CRIM1: variants seen among roughly 807,000 people sequenced by gnomAD.
CRIM1 encodes cysteine rich transmembrane BMP regulator 1.
CRIM1 carries 32 observed loss-of-function variants against 116.4 expected under a neutral mutation model. The observed-to-expected ratio is 0.27, with a 90% CI of 0.21 to 0.37. The LOEUF is 0.37. Ranked by LOEUF, CRIM1 falls within the 10% of genes least tolerant of loss-of-function variation. CRIM1 has a pLI of 1.00. For missense variants in CRIM1, 1,331 were observed against 1,354.8 expected, an observed-to-expected ratio of 0.98 and a Z score of 0.28; for synonymous variants, 590 against 509.2, an observed-to-expected ratio of 1.16 and a Z score of -2.13.
chr2:36,384,745 A>G (rs567438946), intron 1 of CRIM1, among the ~76,000 whole-genome samples: 11 of 152,284 alleles, frequency 7.2e-5, no homozygotes, highest in African/African-American at 2.6e-4. Flanking sequence ...ATGAATTTCA[A>G]GGGCTTGATG....
At chr2:36,500,535 A>G (rs1024778970) in intron 8 of CRIM1, among the ~76,000 whole-genome samples, 11 of 152,306 alleles carry the variant, frequency 7.2e-5, no homozygotes, top group African/African-American at 1.7e-4. Flanking sequence ...TTTAAACGAT[A>G]TAAATACCCG....
chr2:36,479,503 T>C lies in CRIM1; in HGVS notation c.1181T>C (p.Val394Ala), dbSNP rs763350869. 1.9e-6 allele frequency: 3 copies of C among 1,614,136 alleles called. No homozygotes were observed. Among genetic ancestry groups the C allele is most frequent in the Middle Eastern group, 3.3e-4 (2 of 6,062 alleles). The part of the protein sequence containing the change: ...GECCPVCEDP[V>A]YPFNNPAGCY... ...AACTCATGTTCTCATTTAGATCCAG[T>C]GTATCCTTTTAATAATCCCGCTGGC... Residue 394 changes from valine (V) to alanine (A), a missense_variant, in exon 7 of 17, where the codon GTG (valine) becomes GCG (alanine). Coordinates refer to ENST00000280527, the MANE Select transcript of CRIM1 (RefSeq NM_016441.3).
At chr2:36,421,627 G>A (rs1335060806) in intron 2 of CRIM1, among the ~76,000 whole-genome samples, 1 of 152,176 alleles carries the variant, frequency 6.6e-6, no homozygotes, top group East Asian at 1.9e-4. Context: ...GTAGTCAGGC[G>A]TTATCTCACA....
intron 12 of CRIM1, among the ~76,000 whole-genome samples, chr2:36,517,747 G>A (rs1665125832): frequency 6.6e-6 from 1 of 152,146 alleles, no homozygotes; most frequent in African/African-American, 2.4e-5. Flanking sequence ...CCTCACACCT[G>A]AGATGACTGT....
chr2:36,535,596 G>GT (rs1353610126), intron 13 of CRIM1, among the ~76,000 whole-genome samples: 38 of 152,142 alleles, frequency 2.5e-4, no homozygotes, highest in Admixed American at 2.5e-3. Flanking sequence ...AATGATAGAA[G>GT]TTGTTGACAA....
At chr2:36,379,742 CTTTTTT>C (rs760969263) in intron 1 of CRIM1, among the ~76,000 whole-genome samples, 1 of 106,386 alleles carries the variant, frequency 9.4e-6, no homozygotes, top group African/African-American at 3.7e-5. Context: ...TTCTTTCTCT[CTTTTTT>C]TTTTTTTTTT....
intron 13 of CRIM1, among the ~76,000 whole-genome samples, chr2:36,535,988 T>A (rs1666519940): frequency 6.6e-6 from 1 of 152,220 alleles, no homozygotes. Flanking sequence ...GATTTTGGTA[T>A]CCATGGGGTC....
chr2:36,455,880 A>G (rs1677095643), intron 4 of CRIM1, among the ~76,000 whole-genome samples: 1 of 152,194 alleles, frequency 6.6e-6, no homozygotes, highest in Non-Finnish European at 1.5e-5. Context: ...GTCCCAGAGC[A>G]GTGCTCTCTG....
intron 5 of CRIM1, among the ~76,000 whole-genome samples, chr2:36,472,415 A>T (rs75845338): frequency 0.015 from 2,222 of 152,252 alleles, 63 homozygotes; most frequent in African/African-American, 0.051. Flanking sequence ...TTTCACCCTT[A>T]AAGATTGATT....
At position 36,383,838 on chromosome 2, in the gene CRIM1, G is replaced by A. The variant is rs116969768; in HGVS notation, c.332-12776G>A. Among the ~76,000 whole-genome samples, 36 of 152,282 alleles carry A rather than the reference G, an allele frequency of 2.4e-4. No individual in the cohort carries two copies. In the East Asian group the frequency reaches 6.4e-3, roughly 27 times the overall value. On this transcript the variant is annotated intron_variant, in intron 1 of 16. Coordinates refer to ENST00000280527, the MANE Select transcript of CRIM1 (RefSeq NM_016441.3). ...GTTCCTAAGCAGAGAAATGGGATCC[G>A]TAAAGGCCCATTGGAGTGAACATGC... is the stretch of plus-strand genomic sequence containing the variant.
intron 1 of CRIM1, among the ~76,000 whole-genome samples, chr2:36,374,999 CTT>C (rs545030052): frequency 3.5e-5 from 5 of 143,168 alleles, no homozygotes; most frequent in Admixed American, 7.0e-5. Context: ...AATTCTGTTG[CTT>C]TTTTTTTTTG....
intron 2 of CRIM1, among the ~76,000 whole-genome samples, chr2:36,439,426 A>G (rs553330106): frequency 4.3e-4 from 65 of 152,228 alleles, no homozygotes; most frequent in Admixed American, 1.8e-3. Context: ...TCCTCTTTCT[A>G]TATAATCAAA....
Position 36,549,373 on chromosome 2 carries a change from TTGC to T in CRIM1, c.*677_*679del, listed in dbSNP as rs1379752252. On this transcript the variant is annotated 3_prime_UTR_variant, in exon 17 of 17. Transcript: ENST00000280527. ...TTAAGGATATATACAGTTACACTTTTTGCTGCTTTTATTTTCTTCCAAGCCAAT... is the reference window on the plus strand; with the variant it reads ...TTAAGGATATATACAGTTACACTTTTTGCTTTTATTTTCTTCCAAGCCAAT... 3 of 152,660 alleles carry T rather than the reference TTGC, an allele frequency of 2.0e-5. No individual in the cohort carries two copies. Among genetic ancestry groups the T allele is most frequent in the Non-Finnish European group, 2.9e-5 (2 of 68,046 alleles). The allele number at this position is 152,660 out of a possible 1,614,324, so 9.5% of individuals were successfully genotyped here.
chr2:36,374,126 T>G (rs1468062675), intron 1 of CRIM1, among the ~76,000 whole-genome samples: 1 of 152,236 alleles, frequency 6.6e-6, no homozygotes, highest in Non-Finnish European at 1.5e-5. Flanking sequence ...AAAGGATTGA[T>G]GCAGATATTC....
At chr2:36,487,972 C>G (rs989084500) in intron 7 of CRIM1, among the ~76,000 whole-genome samples, 4 of 151,964 alleles carry the variant, frequency 2.6e-5, no homozygotes, top group Admixed American at 2.6e-4. Flanking sequence ...AGAAACAGGT[C>G]AAAATAGGTT....
intron 1 of CRIM1, among the ~76,000 whole-genome samples, chr2:36,383,428 G>A (rs1163067259): frequency 6.6e-6 from 1 of 152,198 alleles, no homozygotes; most frequent in African/African-American, 2.4e-5. Flanking sequence ...GAATGCATAA[G>A]TAGTGAATAA....
chr2:36,410,304 T>C (rs1386335787), intron 2 of CRIM1, among the ~76,000 whole-genome samples: 1 of 152,204 alleles, frequency 6.6e-6, no homozygotes, highest in African/African-American at 2.4e-5. Flanking sequence ...AATGAAGTGC[T>C]TTATCCTTAT....
intron 4 of CRIM1, among the ~76,000 whole-genome samples, chr2:36,447,951 C>T (rs1230245407): frequency 6.6e-6 from 1 of 152,212 alleles, no homozygotes; most frequent in Non-Finnish European, 1.5e-5. Flanking sequence ...TGCCCAGCAG[C>T]TCTTTTTCTG....
At chr2:36,373,828 G>T (rs1339219094) in intron 1 of CRIM1, among the ~76,000 whole-genome samples, 1 of 152,194 alleles carries the variant, frequency 6.6e-6, no homozygotes, top group Non-Finnish European at 1.5e-5. Context: ...ACAGGGTCAT[G>T]TGCGTGTCCT....
Sources: allele counts gnomAD v4.1 joint callset (sites outside exome capture counted in the v4.1 genomes callset), GRCh38; gene constraint gnomAD v4.1.1; transcripts MANE v1.5; gene names NCBI Gene and HGNC (gene_info 2026-07-23, HGNC 2026-07-21).